CDC73: variants seen among roughly 807,000 people sequenced by gnomAD.
CDC73 encodes parafibromin.
A neutral mutation model predicts 83.7 loss-of-function variants in CDC73; 21 were observed. The ratio of observed to expected loss-of-function variants is 0.25; its 90% confidence interval spans 0.18 to 0.36. The LOEUF is 0.36. CDC73 is among the 10% of genes least tolerant of loss of function. The pLI is 1.00. For missense variants in CDC73, 342 were observed against 653.3 expected (o/e 0.52, Z 5.19); for synonymous variants, 224 against 212.9 (o/e 1.05, Z -0.45).
At chr1:193,196,508 CA>C (rs1677005284) in intron 10 of CDC73, among the ~76,000 whole-genome samples, 1 of 152,036 alleles carries the variant, frequency 6.6e-6, no homozygotes, top group Non-Finnish European at 1.5e-5. Flanking sequence ...TCTATTTCTG[CA>C]AAAATGTTGA....
At chr1:193,193,015 G>A (rs1053088613) in intron 10 of CDC73, among the ~76,000 whole-genome samples, 2 of 152,110 alleles carry the variant, frequency 1.3e-5, no homozygotes, top group African/African-American at 2.4e-5. Flanking sequence ...AAAACCTTCC[G>A]GCCTTCCAAG....
chr1:193,198,096 A>G (rs1476113499), intron 10 of CDC73, among the ~76,000 whole-genome samples: 1 of 152,194 alleles, frequency 6.6e-6, no homozygotes, highest in Admixed American at 6.5e-5. Flanking sequence ...ATTTGTTTTA[A>G]TTAGTCAGTG....
intron 13 of CDC73, among the ~76,000 whole-genome samples, chr1:193,218,448 A>C (rs1412559407): frequency 6.6e-6 from 1 of 152,268 alleles, no homozygotes; most frequent in African/African-American, 2.4e-5. Flanking sequence ...AAAAGGAGGC[A>C]GAATAGCCAA....
chr1:193,142,962 C>G (rs899175755), intron 7 of CDC73, among the ~76,000 whole-genome samples: 4 of 152,028 alleles, frequency 2.6e-5, no homozygotes, highest in African/African-American at 9.7e-5. Context: ...TCCACTGATG[C>G]ACAGTTGTTA....
At chr1:193,231,437 T>G (rs1284855227) in intron 13 of CDC73, among the ~76,000 whole-genome samples, 1 of 152,216 alleles carries the variant, frequency 6.6e-6, no homozygotes, top group Non-Finnish European at 1.5e-5. Context: ...GCACAATGTA[T>G]TGCACATACT....
intron 8 of CDC73, among the ~76,000 whole-genome samples, chr1:193,149,596 G>A (rs1676069936): frequency 1.3e-5 from 2 of 152,102 alleles, no homozygotes; most frequent in East Asian, 1.9e-4. Context: ...AGAAGTATAT[G>A]CCTAGTGTGA....
At chr1:193,202,042 A>G (rs7545223) in intron 10 of CDC73, among the ~76,000 whole-genome samples, 1 of 151,954 alleles carries the variant, frequency 6.6e-6, no homozygotes, top group African/African-American at 2.4e-5. Flanking sequence ...TTTTCTATGT[A>G]TTTCCTCTTA....
intron 10 of CDC73, among the ~76,000 whole-genome samples, chr1:193,159,100 T>C (rs1254448410): frequency 6.6e-6 from 1 of 152,168 alleles, no homozygotes; most frequent in Non-Finnish European, 1.5e-5. Flanking sequence ...TTTATAATAA[T>C]TTTCCCCCTT....
chr1:193,240,327 G>A (rs573706446), intron 15 of CDC73, among the ~76,000 whole-genome samples: 1 of 152,202 alleles, frequency 6.6e-6, no homozygotes, highest in Non-Finnish European at 1.5e-5. Context: ...TAAACAAGGG[G>A]TGCAAGTATC....
rs544172835 is a variant in CDC73 at position 193,146,872 on chromosome 1, A to G, written c.730-995A>G. ...TGAAAAGTGTACATTGACTTCTGAT[A>G]GTATCTCAAAACTCATATGTAGCAA... is the stretch of plus-strand genomic sequence containing the variant. On this transcript the variant is annotated intron_variant, in intron 7 of 16. Coordinates refer to ENST00000367435, the MANE Select transcript of CDC73 (RefSeq NM_024529.5). 2.0e-5 allele frequency among the ~76,000 whole-genome samples: 3 copies of G among 152,348 alleles called. No individual in the cohort carries two copies. In the East Asian group the frequency reaches 5.8e-4, roughly 29 times the overall value.
At chr1:193,151,462 A>G (rs1228419002) in intron 9 of CDC73, among the ~76,000 whole-genome samples, 1 of 152,250 alleles carries the variant, frequency 6.6e-6, no homozygotes, top group Non-Finnish European at 1.5e-5. Context: ...GTTGCCCCCA[A>G]TTGATCACAT....
intron 15 of CDC73, among the ~76,000 whole-genome samples, chr1:193,241,904 T>C (rs940138313): frequency 1.3e-5 from 2 of 152,264 alleles, no homozygotes; most frequent in Admixed American, 1.3e-4. Flanking sequence ...AGCACTTGGG[T>C]CCTGCTGCTG....
At chr1:193,173,525 C>T (rs58056953) in intron 10 of CDC73, among the ~76,000 whole-genome samples, 3,233 of 152,280 alleles carry the variant, frequency 0.021, 113 homozygotes, top group African/African-American at 0.074. Context: ...TCCTAACACA[C>T]AGTTCATTTT....
intron 2 of CDC73, among the ~76,000 whole-genome samples, chr1:193,129,498 T>TTATTTATTTATC (rs1387654905): frequency 6.0e-5 from 9 of 150,282 alleles, no homozygotes; most frequent in Non-Finnish European, 1.3e-4. Context: ...ATTTATTTAT[T>TTATTTATTTATC]TATTTATTTA....
At position 193,142,038 on chromosome 1, in the gene CDC73, G is replaced by A. The variant is rs1452051467; in HGVS notation, c.701G>A (p.Arg234Gln). The A allele has an allele frequency of 2.5e-6, 4 of 1,613,320 alleles. No homozygotes were observed. The highest frequency in any genetic ancestry group is 4.5e-5 in the East Asian group (2 of 44,864). ...IVSRERVWRT[R>Q]TTILQSTGKN... ...AGCAGAGAGAGAGTATGGAGGACAC[G>A]AACAACTATCTTACAAAGCACAGGA... Residue 234 changes from arginine (R) to glutamine (Q), a missense_variant, in exon 7 of 17, where the codon CGA becomes CAA. Transcript: ENST00000367435.
chr1:193,254,693 A>C lies in CDC73; in HGVS notation c.*3981A>C, dbSNP rs887080256. On this transcript the variant is annotated 3_prime_UTR_variant, in exon 17 of 17. Coordinates refer to ENST00000367435, the MANE Select transcript of CDC73 (RefSeq NM_024529.5). ...GTTTTGGGTTTCTGTGTATTATTTT[A>C]GGTAATCTTTATAAGGGCATCTTGG... Among the ~76,000 whole-genome samples, 10 of 152,162 alleles carry C rather than the reference A, an allele frequency of 6.6e-5. No individual in the cohort carries two copies. The highest frequency in any genetic ancestry group is 2.2e-4 in the African/African-American group (9 of 41,454).
chr1:193,122,834 A>G (rs966547963), intron 1 of CDC73, among the ~76,000 whole-genome samples: 1 of 152,142 alleles, frequency 6.6e-6, no homozygotes, highest in African/African-American at 2.4e-5. Context: ...AGAAAAGGGA[A>G]TCAACCCTGA....
intron 1 of CDC73, among the ~76,000 whole-genome samples, chr1:193,124,106 C>G (rs1448134016): frequency 1.3e-5 from 2 of 152,226 alleles, no homozygotes; most frequent in Non-Finnish European, 2.9e-5. Flanking sequence ...AATGTGTTGA[C>G]AGCAATCCAG....
intron 10 of CDC73, among the ~76,000 whole-genome samples, chr1:193,193,299 T>G (rs540906804): frequency 6.6e-6 from 1 of 152,314 alleles, no homozygotes; most frequent in Admixed American, 6.5e-5. Flanking sequence ...TTCCTTTCTT[T>G]GAAGAAACTG....
Sources: allele counts gnomAD v4.1 joint callset (sites outside exome capture counted in the v4.1 genomes callset), GRCh38; gene constraint gnomAD v4.1.1; transcripts MANE v1.5; gene names NCBI Gene and HGNC (gene_info 2026-07-23, HGNC 2026-07-21).